Variants in PRKDC observed in about 807,000 individuals in gnomAD.
PRKDC encodes protein kinase, DNA-activated, catalytic subunit.
A neutral mutation model predicts 486.9 loss-of-function variants in PRKDC; 82 were observed. That is an observed-to-expected ratio of 0.17 (90% CI 0.14 to 0.20). The LOEUF (loss-of-function observed/expected upper bound fraction) is 0.20. PRKDC is among the 10% of genes least tolerant of loss of function. The probability of loss-of-function intolerance (pLI) is 1.00; values close to 1 mark genes in which losing one functional copy is unlikely to be tolerated. For missense variants in PRKDC, 4,504 were observed against 5,038.2 expected (o/e 0.89, Z 3.21); for synonymous variants, 1,895 against 1,837.0 (o/e 1.03, Z -0.81).
intron 74 of PRKDC, among the ~76,000 whole-genome samples, chr8:47,792,177 T>C (rs1181328005): frequency 6.6e-6 from 1 of 151,556 alleles, no homozygotes; most frequent in African/African-American, 2.4e-5. Flanking sequence ...AAAGCGGGGA[T>C]GGTTAATGGG....
At chr8:47,859,076 A>G in intron 46 of PRKDC, 90 bp from the exon 47 acceptor site, 2 of 1,382,602 alleles carry the variant, frequency 1.4e-6, no homozygotes, top group South Asian at 1.2e-5. Flanking sequence ...CTGGGGCAAC[A>G]GCATATAACA....
intron 36 of PRKDC, among the ~76,000 whole-genome samples, chr8:47,885,593 A>T (rs555502817): frequency 1.3e-5 from 2 of 152,106 alleles, no homozygotes; most frequent in South Asian, 4.2e-4. Context: ...TTTTATAAGG[A>T]TTATATAAGA....
intron 7 of PRKDC, among the ~76,000 whole-genome samples, chr8:47,950,320 T>A (rs1302280505): frequency 6.9e-6 from 1 of 145,358 alleles, no homozygotes; most frequent in Non-Finnish European, 1.5e-5. Flanking sequence ...GCTTTTTCCC[T>A]CCCCTTAAGA....
At position 47,890,309 on chromosome 8, in the gene PRKDC, C is replaced by T. The variant is rs1341292239; in HGVS notation, c.4019G>A (p.Arg1340Gln). 4.3e-6 allele frequency: 7 copies of T among 1,612,834 alleles called. No individual in the cohort carries two copies. The highest frequency in any genetic ancestry group is 2.2e-5 in the East Asian group (1 of 44,880). Residue 1340 changes from arginine (R) to glutamine (Q), a missense_variant, in exon 32 of 86, where the codon CGG becomes CAG. By Grantham distance (43) the Arg-to-Gln change is conservative. Around this residue, in one of 6 missense-constraint regions of PRKDC, gnomAD observed 1,969 missense variants for 2,068.9 expected, o/e 0.95. Transcript: ENST00000314191. ...YNYSKCTVVV[R>Q]IMEFTTTLLN... ...CAGAGTCGTGGTAAACTCCATAATC[C>T]GGACCACAACGGTGCATTTGCTGTA... is the stretch of plus-strand genomic sequence containing the variant.
chr8:47,783,799 G>A lies in PRKDC; in HGVS notation c.11118C>T (p.Asp3706=), dbSNP rs55660253. Residue 3706 remains aspartate (D), a synonymous_variant, in exon 78 of 86, where the codon GAC becomes GAT. Coordinates refer to ENST00000314191, the MANE Select transcript of PRKDC (RefSeq NM_006904.7). ...ACTCTGGCAATGGCTTTCCCCTACC[G>A]TCATACTGACCTAAAACAAACCAGA... ...RNELEIPGQY[D]GRGKPLPEYH... is the part of the protein sequence containing the mutation. 3.3e-4 allele frequency: 525 copies of A among 1,613,838 alleles called. No individual in the cohort carries two copies. The highest frequency in any genetic ancestry group is 5.3e-4 in the Admixed American group (32 of 60,010).
At chr8:47,933,647 T>A (rs1322643243) in intron 15 of PRKDC, among the ~76,000 whole-genome samples, 2 of 152,194 alleles carry the variant, frequency 1.3e-5, no homozygotes, top group African/African-American at 2.4e-5. Context: ...TACATATATA[T>A]CCATCCTCAG....
In PRKDC at chr8:47,960,101, C is replaced by G. The variant is rs1425909639; in HGVS notation, c.26G>C (p.Arg9Pro). ...CTCCTGCAGCCGCAGCAGGGAGCAA[C>G]GCACACCGGCTCCGGAGCCCGCCAT... MAGSGAGV[R>P]CSLLRLQETL... Residue 9 changes from arginine to proline, a missense_variant, in exon 1 of 86, where the codon CGT (arginine) becomes CCT (proline). Arg to Pro is a moderately radical substitution (Grantham distance 103). This residue lies in a region of PRKDC where 145 missense variants were observed against 136.3 expected (regional missense o/e 1.06). Transcript: ENST00000314191. The G allele has an allele frequency of 6.6e-7, 1 of 1,514,170 alleles. No individual in the cohort carries two copies. The highest frequency in any genetic ancestry group is 8.8e-7 in the Non-Finnish European group (1 of 1,136,052). 93.8% of individuals were successfully genotyped at this position (1,514,170 alleles called of 1,614,324 possible).
chr8:47,956,977 C>CAAAAAA (rs2090713226), intron 3 of PRKDC, among the ~76,000 whole-genome samples, 194 bp downstream of exon 3: 14 of 11,380 alleles, frequency 1.2e-3, no homozygotes, highest in South Asian at 4.8e-3. Context: ...AACTCCTTCT[C>CAAAAAA]CAAAAAAAAA....
chr8:47,936,630 T>C lies in PRKDC; in HGVS notation c.1114-113A>G, dbSNP rs144103388. ...AACACAAGTTTAACAAGGCTTCTTT[T>C]TTTTTTGAGACGAAGTTTCGCTCTT... On this transcript the variant is annotated intron_variant, in intron 11 of 85. Transcript: ENST00000314191. 268 of 1,263,816 alleles carry C rather than the reference T, an allele frequency of 2.1e-4. 2 individuals are homozygous for C. In the African/African-American group the frequency reaches 3.0e-3, roughly 14 times the overall value. 78.3% of individuals were successfully genotyped at this position (1,263,816 alleles called of 1,614,324 possible). A position where few individuals can be genotyped will look rare whatever the true frequency, so the allele number is the denominator to read the frequency against.
In PRKDC at chr8:47,803,339, C is replaced by A; in HGVS notation, c.9889G>T (p.Val3297Leu). The stretch of plus-strand genomic sequence containing the variant: ...GAGACTGTTTTCAGCACAGTGAGCA[C>A]CTGCTCAGAGCAGCCCTGGGACCGG... ...RSRSQGCSEQ[V>L]LTVLKTVSLL... The change falls in exon 70 of 86, where the codon GTG becomes TTG. Residue 3297 changes from valine to leucine, a missense_variant. Val to Leu is a conservative substitution (Grantham distance 32, BLOSUM62 1). Around this residue, in one of 6 missense-constraint regions of PRKDC, gnomAD observed 1,592 missense variants for 1,724.6 expected, o/e 0.92. Coordinates refer to ENST00000314191, the MANE Select transcript of PRKDC (RefSeq NM_006904.7). 6.2e-7 allele frequency: 1 copy of A among 1,613,778 alleles called. No individual in the cohort carries two copies. Among genetic ancestry groups the A allele is most frequent in the East Asian group, 2.2e-5 (1 of 44,872 alleles).
chr8:47,954,863 A>G lies in PRKDC; in HGVS notation c.400-417T>C, dbSNP rs568777153. ...CCCAACAACCACTTAACTGCAACGT[A>G]TCAACTGATTCCCGCCAGACAGTGG... On this transcript the variant is annotated intron_variant, in intron 4 of 85. Coordinates refer to ENST00000314191, the MANE Select transcript of PRKDC (RefSeq NM_006904.7). Among the ~76,000 whole-genome samples the G allele has an allele frequency of 1.7e-3, 259 of 152,352 alleles. 3 individuals carry two copies. Among genetic ancestry groups the G allele is most frequent in the Non-Finnish European group, 3.4e-3 (233 of 68,032 alleles).
intron 27 of PRKDC, among the ~76,000 whole-genome samples, chr8:47,901,464 ACT>A (rs1425528817): frequency 1.3e-5 from 2 of 152,090 alleles, no homozygotes; most frequent in African/African-American, 4.8e-5. Context: ...ACAGAGCAAG[ACT>A]CTGTCTCCAA....
rs2088725548 is a variant in PRKDC at position 47,863,490 on chromosome 8, C to A, written c.5659G>T (p.Asp1887Tyr). The A allele has an allele frequency of 1.2e-6, 2 of 1,612,330 alleles. No individual in the cohort carries two copies. The highest frequency in any genetic ancestry group is 1.3e-5 in the African/African-American group (1 of 74,850). ...LDVMYSRLPKDDVHAKESKIN... is the reference protein window; with the variant it reads ...LDVMYSRLPKYDVHAKESKIN... ...TTTGATTCCTTAGCATGAACATCAT[C>A]TTTGGGAAGGCGAGAATACATCACG... Residue 1887 changes from aspartate (D) to tyrosine (Y), a missense_variant, in exon 42 of 86, where the codon GAT becomes TAT. Asp to Tyr is a radical substitution (Grantham distance 160). Coordinates refer to ENST00000314191, the MANE Select transcript of PRKDC (RefSeq NM_006904.7).
At chr8:47,880,332 C>T (rs908981536) in intron 38 of PRKDC, among the ~76,000 whole-genome samples, 1 of 152,154 alleles carries the variant, frequency 6.6e-6, no homozygotes, top group Non-Finnish European at 1.5e-5. Flanking sequence ...GAGGAGTTTA[C>T]AACTACACAT....
chr8:47,804,525 C>T lies in PRKDC; in HGVS notation c.9748-1045G>A, dbSNP rs367638255. Among the ~76,000 whole-genome samples the T allele has an allele frequency of 2.0e-4, 30 of 152,202 alleles. No homozygotes were observed. In the East Asian group the frequency reaches 5.0e-3, roughly 26 times the overall value. On this transcript the variant is annotated intron_variant, in intron 69 of 85. Transcript: ENST00000314191. ...ATGTTGGCCAGACTGATCTCAAACT[C>T]CTGACGTCAAGTGATCCACCCGCCT...
chr8:47,785,106 A>C lies in PRKDC; in HGVS notation c.11107+7T>G, dbSNP rs1218877305. 4 of 1,613,610 alleles carry C rather than the reference A, an allele frequency of 2.5e-6. No individual in the cohort carries two copies. The highest frequency in any genetic ancestry group is 3.4e-6 in the Non-Finnish European group (4 of 1,179,708). On this transcript the variant is annotated splice_region_variant and intron_variant, in intron 77 of 85. Transcript: ENST00000314191. ...TACAGTTTTGTCACCCCTGGAGGTT[A>C]ACTCACCGGGAATCTCCAGCTCATT...
chr8:47,933,521 T>C (rs1018185090), intron 15 of PRKDC, among the ~76,000 whole-genome samples: 7 of 152,368 alleles, frequency 4.6e-5, no homozygotes, highest in African/African-American at 1.7e-4. Context: ...TATGCATATA[T>C]AGACACTATA....
intron 1 of PRKDC, 36 bp downstream of exon 1, chr8:47,959,937 G>C: frequency 6.5e-7 from 1 of 1,530,064 alleles, no homozygotes; most frequent in Non-Finnish European, 8.7e-7. Flanking sequence ...CGGGAAGCCA[G>C]GACCCACCCG....
intron 40 of PRKDC, among the ~76,000 whole-genome samples, chr8:47,877,162 T>G (rs1029084552): frequency 6.6e-6 from 1 of 152,154 alleles, no homozygotes; most frequent in Non-Finnish European, 1.5e-5. Context: ...TGTCCAAGTA[T>G]CTCCAAAAAC....
Sources: gnomAD v4.1 joint callset for allele counts (sites outside exome capture counted in the v4.1 genomes callset) on GRCh38, gnomAD v4.1.1 for gene constraint, gnomAD v4.1.1 regional missense constraint, MANE v1.5 for transcripts, NCBI Gene and HGNC (gene_info 2026-07-23, HGNC 2026-07-21) for gene names.